The following SCRN3 variants were observed in gnomAD, a reference collection of about 807,000 sequenced individuals.
SCRN3 encodes secernin-3.
SCRN3 carries 39 observed loss-of-function variants against 43.1 expected under a neutral mutation model. That is an observed-to-expected ratio of 0.91 (90% confidence interval 0.70 to 1.18). The LOEUF (loss-of-function observed/expected upper bound fraction) is 1.18. Among genes scored for constraint, SCRN3 ranks in the 50% most tolerant of loss-of-function variants. The pLI, the probability that SCRN3 is intolerant of heterozygous loss-of-function variation, is 0.00. For synonymous variants in SCRN3, 147 were observed against 163.1 expected (o/e 0.90, Z 0.75); for missense variants, 484 against 498.0 (o/e 0.97, Z 0.27).
intron 7 of SCRN3, among the ~76,000 whole-genome samples, chr2:174,425,263 AT>A (rs1437612843): frequency 6.6e-6 from 1 of 152,150 alleles, no homozygotes; most frequent in East Asian, 1.9e-4. Flanking sequence ...ATAAGGATTT[AT>A]TTTTTTCTGG....
At chr2:174,404,409 T>G in intron 5 of SCRN3, 94 bp downstream of exon 5, 3 of 775,396 alleles carry the variant, frequency 3.9e-6, no homozygotes, top group Non-Finnish European at 6.0e-6. Context: ...GGAATTATAA[T>G]TAGTAAAAAT....
chr2:174,406,587 C>G (rs1201214062), intron 5 of SCRN3, among the ~76,000 whole-genome samples: 3 of 150,700 alleles, frequency 2.0e-5, no homozygotes, highest in Non-Finnish European at 4.5e-5. Context: ...ATGATATTGG[C>G]TGTGGGTTTG....
At chr2:174,421,129 A>G (rs187571174) in intron 5 of SCRN3, among the ~76,000 whole-genome samples, 1 of 152,366 alleles carries the variant, frequency 6.6e-6, no homozygotes, top group Non-Finnish European at 1.5e-5. Flanking sequence ...TAACTTTTCA[A>G]CAGAAGGGAG....
chr2:174,422,929 C>G lies in SCRN3; in HGVS notation c.799C>G (p.Pro267Ala), dbSNP rs779004549. 1 of 1,610,908 alleles carries G rather than the reference C, an allele frequency of 6.2e-7. No homozygotes were observed. The highest frequency in any genetic ancestry group is 8.5e-7 in the Non-Finnish European group (1 of 1,177,306). ...AATGATGGAAATTCTTCGAGATAAA[C>G]CAAGTGGCATTAATATGGAGGGAGA... ...ETMMEILRDK[P>A]SGINMEGEFL... is the part of the protein sequence containing the mutation. The change falls in exon 6 of 8, where the codon CCA becomes GCA. Residue 267 changes from proline (P) to alanine (A), a missense_variant. Coordinates refer to ENST00000272732, the MANE Select transcript of SCRN3 (RefSeq NM_024583.5).
Position 174,401,048 on chromosome 2 carries a change from C to A in SCRN3, c.400C>A (p.Leu134Ile). 6.2e-7 allele frequency: 1 copy of A among 1,613,682 alleles called. No individual in the cohort carries two copies. Among genetic ancestry groups the A allele is most frequent in the South Asian group, 1.1e-5 (1 of 91,074 alleles). Reference sequence around the variant, plus strand: ...AGCCCTCAATGTCATTGTTGACTTACTAGAAAAATATGGCCAGGGTGGAAA... The same window carrying A: ...AGCCCTCAATGTCATTGTTGACTTAATAGAAAAATATGGCCAGGGTGGAAA... ...EKALNVIVDL[L>I]EKYGQGGNCT... The change falls in exon 4 of 8, where the codon CTA (leucine) becomes ATA (isoleucine). Residue 134 changes from leucine to isoleucine, a missense_variant. Physicochemically the swap from Leu to Ile is conservative, Grantham distance 5. Transcript: ENST00000272732.
chr2:174,413,633 C>G (rs1686007103), intron 5 of SCRN3, among the ~76,000 whole-genome samples: 1 of 138,502 alleles, frequency 7.2e-6, no homozygotes, highest in African/African-American at 2.6e-5. Context: ...CTCTGTTACC[C>G]AAGCTGGAGT....
chr2:174,414,215 C>T (rs1686025396), intron 5 of SCRN3, among the ~76,000 whole-genome samples: 1 of 152,134 alleles, frequency 6.6e-6, no homozygotes, highest in South Asian at 2.1e-4. Context: ...AACTCCTTCC[C>T]ATGCCATTTA....
intron 4 of SCRN3, among the ~76,000 whole-genome samples, chr2:174,403,027 A>G: frequency 6.6e-6 from 1 of 151,950 alleles, no homozygotes; most frequent in Non-Finnish European, 1.5e-5. Context: ...ATAATTTAAA[A>G]AAATTTATAG....
chr2:174,422,095 C>A (rs991799611), intron 5 of SCRN3, among the ~76,000 whole-genome samples: 42 of 152,072 alleles, frequency 2.8e-4, no homozygotes, highest in Admixed American at 7.2e-4. Context: ...AAATCCAAAT[C>A]ATCAGTAACT....
chr2:174,403,085 T>TAA (rs35095233), intron 4 of SCRN3, among the ~76,000 whole-genome samples: 1,432 of 103,114 alleles, frequency 0.014, 26 homozygotes, highest in African/African-American at 0.042. Context: ...AACTCAGTAG[T>TAA]AAAAAAAAAA....
chr2:174,411,500 A>G (rs1685914624), intron 5 of SCRN3, among the ~76,000 whole-genome samples: 1 of 152,092 alleles, frequency 6.6e-6, no homozygotes, highest in Non-Finnish European at 1.5e-5. Context: ...ATCTAGTAAT[A>G]TTTTGATTTG....
intron 5 of SCRN3, among the ~76,000 whole-genome samples, chr2:174,404,579 T>C (rs552381156): frequency 7.5e-6 from 1 of 134,180 alleles, no homozygotes; most frequent in South Asian, 2.7e-4. Flanking sequence ...TAGCATTAGG[T>C]ATATCTCCCA....
At chr2:174,422,601 A>G (rs1559083510) in intron 5 of SCRN3, among the ~76,000 whole-genome samples, 2 of 151,850 alleles carry the variant, frequency 1.3e-5, no homozygotes, top group African/African-American at 4.8e-5. Context: ...TGTAAGGGCA[A>G]TGGGATTGAA....
At chr2:174,396,957 AGT>A (rs1685342639) in intron 1 of SCRN3, 7 of 414,588 alleles carry the variant, frequency 1.7e-5, no homozygotes, top group Non-Finnish European at 2.3e-5. Context: ...CCCATCAAAT[AGT>A]GTCTTATTTT....
chr2:174,416,147 C>T (rs1686098432), intron 5 of SCRN3, among the ~76,000 whole-genome samples: 2 of 152,270 alleles, frequency 1.3e-5, no homozygotes, highest in East Asian at 1.9e-4. Context: ...GGAGATCATG[C>T]CCTGCACAAG....
chr2:174,427,590 G>C, intron 7 of SCRN3, 123 bp from the exon 8 acceptor site: 1 of 489,750 alleles, frequency 2.0e-6, no homozygotes, highest in Non-Finnish European at 3.5e-6. Flanking sequence ...TAAAGAACAA[G>C]AAGGGAACCA....
chr2:174,428,593 CA>C lies in SCRN3; in HGVS notation c.*702del, dbSNP rs1686567522. On this transcript the variant is annotated 3_prime_UTR_variant, in exon 8 of 8. Transcript: ENST00000272732. ...AGATTAGAGAATAAGATAAAAGAAC[CA>C]AAACCTTAGGATATACTGTTTCTGG... 1 of 152,046 alleles carries C rather than the reference CA, an allele frequency of 6.6e-6. No individual in the cohort carries two copies. The allele number at this position is 152,046 out of a possible 1,614,324, so 9.4% of individuals were successfully genotyped here.
chr2:174,424,509 AT>A lies in SCRN3; in HGVS notation c.955del (p.Ser319HisfsTer16), dbSNP rs771515360. The part of the protein sequence containing the change: ...VFKPFIFVPH[I>X]SQLLDTSSPT... ...TAAGCCTTTCATATTTGTGCCACAT[AT>A]TTCACAACTATTGGATACCAGTTCA... is the stretch of plus-strand genomic sequence containing the variant. On this transcript the variant is annotated frameshift_variant, in exon 7 of 8. Coordinates refer to ENST00000272732, the MANE Select transcript of SCRN3 (RefSeq NM_024583.5). LOFTEE classifies it high-confidence loss of function. 6.1e-5 allele frequency: 99 copies of A among 1,611,044 alleles called. No individual in the cohort carries two copies. The highest frequency in any genetic ancestry group is 7.8e-5 in the Non-Finnish European group (92 of 1,178,370).
chr2:174,425,131 T>C (rs928873901), intron 7 of SCRN3, among the ~76,000 whole-genome samples: 1 of 152,182 alleles, frequency 6.6e-6, no homozygotes. Flanking sequence ...GAAAGTGACT[T>C]AAAACCCCAG....
Sources: gnomAD v4.1 joint callset for allele counts (sites outside exome capture counted in the v4.1 genomes callset) on GRCh38, gnomAD v4.1.1 for gene constraint, MANE v1.5 for transcripts, NCBI Gene and HGNC (gene_info 2026-07-23, HGNC 2026-07-21) for gene names.